Variants in PCDHA4 observed in about 807,000 individuals in gnomAD.
The protein encoded by PCDHA4 is protocadherin alpha 4, also known as protocadherin alpha-4.
In PCDHA4, 49 loss-of-function variants were observed where a neutral mutation model predicts 61.4. The observed-to-expected ratio is 0.80, with a 90% CI of 0.63 to 1.01. PCDHA4 has a LOEUF of 1.01. Among genes scored for constraint, PCDHA4 ranks in the 50% least tolerant of loss-of-function variants. The probability of loss-of-function intolerance (pLI) is 0.00; values close to 1 mark genes in which losing one functional copy is unlikely to be tolerated. For synonymous variants in PCDHA4, 590 were observed against 550.3 expected (o/e 1.07, Z -1.01); for missense variants, 1,254 against 1,235.8 (o/e 1.01, Z -0.22).
chr5:140,928,450 G>C, intron 1 of PCDHA4: 2 of 1,614,146 alleles, frequency 1.2e-6, no homozygotes, highest in Non-Finnish European at 8.5e-7. Flanking sequence ...GCAGCTCAGG[G>C]GGTTTCATTT....
intron 1 of PCDHA4, among the ~76,000 whole-genome samples, chr5:140,905,080 C>G (rs2071583789): frequency 6.6e-6 from 1 of 152,128 alleles, no homozygotes; most frequent in Non-Finnish European, 1.5e-5. Flanking sequence ...GTTGCACTTT[C>G]TTTTGGGTTC....
intron 1 of PCDHA4, among the ~76,000 whole-genome samples, chr5:140,949,473 G>A (rs2094384488): frequency 6.6e-6 from 1 of 151,492 alleles, no homozygotes; most frequent in South Asian, 2.1e-4. Flanking sequence ...CCTGTTATTA[G>A]GCACACACAT....
At chr5:140,925,923 C>CT (rs111894943) in intron 1 of PCDHA4, among the ~76,000 whole-genome samples, 7,061 of 152,174 alleles carry the variant, frequency 0.046, 290 homozygotes, top group African/African-American at 0.11. Context: ...GCAAAGCACT[C>CT]CCAAGTAGAG....
At chr5:140,860,155 ATATATATATG>A (rs1439486095) in intron 1 of PCDHA4, 1 of 149,648 alleles carries the variant, frequency 6.7e-6, no homozygotes, top group Non-Finnish European at 1.5e-5. Flanking sequence ...ATATATGTGT[ATATATATATG>A]TATATATATA....
rs139607260 is a variant in PCDHA4, at chr5:140,954,243, A to C, written c.2386-24706A>C. ...TATTGTGAATAGTGCTGCAATGAAC[A>C]TACACATGCAGGTATCTTTATAATA... On this transcript the variant is annotated intron_variant, in intron 1 of 3. Transcript: ENST00000530339. Among the ~76,000 whole-genome samples the C allele has an allele frequency of 3.2e-4, 49 of 152,350 alleles. No individual in the cohort carries two copies. In the East Asian group the frequency reaches 9.1e-3, roughly 28 times the overall value.
Position 140,809,006 on chromosome 5 carries a change from C to A in PCDHA4, c.1819C>A (p.Leu607Ile). 6.2e-7 allele frequency: 1 copy of A among 1,613,702 alleles called. No individual in the cohort carries two copies. The highest frequency in any genetic ancestry group is 1.1e-5 in the South Asian group (1 of 91,060). ...TGCTGACTCGGGCTACAACGCGTGG[C>A]TTTCGTACGAGCTGCAGCCGGGGAC... ...VDADSGYNAW[L>I]SYELQPGTGG... Residue 607 changes from leucine (L) to isoleucine (I), a missense_variant, in exon 1 of 4, where the codon CTT becomes ATT. By Grantham distance (5) the Leu-to-Ile change is conservative. Coordinates refer to ENST00000530339, the MANE Select transcript of PCDHA4 (RefSeq NM_018907.4).
At chr5:140,823,233 C>G (rs1423575450) in intron 1 of PCDHA4, 1 of 1,613,492 alleles carries the variant, frequency 6.2e-7, no homozygotes, top group Non-Finnish European at 8.5e-7. Flanking sequence ...CGCAGGAGAA[C>G]GCCCTGGTGT....
chr5:140,972,295 G>A (rs551210883), intron 1 of PCDHA4, among the ~76,000 whole-genome samples: 2 of 151,388 alleles, frequency 1.3e-5, no homozygotes, highest in South Asian at 2.1e-4. Context: ...GTGCGCCACC[G>A]TGTCTGACTA....
chr5:140,830,676 T>C (rs1348567838), intron 1 of PCDHA4: 2 of 357,974 alleles, frequency 5.6e-6, no homozygotes, highest in African/African-American at 4.3e-5. Flanking sequence ...AAATTAGAAA[T>C]CACTGTCCAC....
At chr5:140,921,744 A>T (rs1554200416) in intron 1 of PCDHA4, among the ~76,000 whole-genome samples, 1 of 152,158 alleles carries the variant, frequency 6.6e-6, no homozygotes. Context: ...TATAAGCATA[A>T]CAGGACACTT....
intron 1 of PCDHA4, chr5:140,829,054 C>G: frequency 6.2e-7 from 1 of 1,612,720 alleles, no homozygotes; most frequent in Non-Finnish European, 8.5e-7. Flanking sequence ...TCCTCATTGA[C>G]GCCACGGACA....
At chr5:140,907,938 T>C (rs2073706734) in intron 1 of PCDHA4, among the ~76,000 whole-genome samples, 1 of 152,206 alleles carries the variant, frequency 6.6e-6, no homozygotes, top group African/African-American at 2.4e-5. Flanking sequence ...TCACATACCT[T>C]TTCCCCAAAT....
Position 140,827,976 on chromosome 5 carries a change from C to T in PCDHA4, c.2385+18404C>T, listed in dbSNP as rs1769473350. The T allele has an allele frequency of 1.3e-5, 18 of 1,405,264 alleles. No individual in the cohort carries two copies. In the Middle Eastern group the frequency reaches 7.7e-4, roughly 60 times the overall value. 87.0% of individuals were successfully genotyped at this position (1,405,264 alleles called of 1,614,324 possible). On this transcript the variant is annotated intron_variant, in intron 1 of 3. Coordinates refer to ENST00000530339, the MANE Select transcript of PCDHA4 (RefSeq NM_018907.4). Reference sequence around the variant, plus strand: ...ATTTCTTCTATTACTGCATCATTCCCTGACTGTTGAATGATGGCGGACGCA... The same window carrying T: ...ATTTCTTCTATTACTGCATCATTCCTTGACTGTTGAATGATGGCGGACGCA...
chr5:140,930,012 A>G (rs1369011586), intron 1 of PCDHA4: 1 of 152,208 alleles, frequency 6.6e-6, no homozygotes, highest in Non-Finnish European at 1.5e-5. Context: ...CATAGCTGAT[A>G]GCTCCATAGC....
intron 1 of PCDHA4, among the ~76,000 whole-genome samples, chr5:140,931,879 T>A (rs1335268218): frequency 3.3e-5 from 5 of 151,966 alleles, no homozygotes; most frequent in Non-Finnish European, 7.4e-5. Flanking sequence ...TATTTATTGC[T>A]TTCATTTTAT....
At position 140,829,434 on chromosome 5, in the gene PCDHA4, T is replaced by A. The variant is rs2150167866; in HGVS notation, c.2385+19862T>A. 3 of 1,613,976 alleles carry A rather than the reference T, an allele frequency of 1.9e-6. No homozygotes were observed. In the South Asian group the frequency reaches 3.3e-5, roughly 18 times the overall value. On this transcript the variant is annotated intron_variant, in intron 1 of 3. Transcript: ENST00000530339. ...AGCTTGTCTGTGGAGGTGGCCGACA[T>A]GAATGACAATGCTCCGGCGTTCGCG...
chr5:140,822,516 T>G, intron 1 of PCDHA4: 1 of 1,613,966 alleles, frequency 6.2e-7, no homozygotes, highest in Non-Finnish European at 8.5e-7. Flanking sequence ...CCATTTATAA[T>G]GTCAGATTGT....
intron 1 of PCDHA4, chr5:140,863,724 G>C (rs1450071694): frequency 3.7e-6 from 1 of 271,826 alleles, no homozygotes; most frequent in African/African-American, 2.2e-5. Context: ...GCCGGGTGCG[G>C]TAGCTCATGC....
At chr5:140,828,658 T>C (rs2150157728) in intron 1 of PCDHA4, 11 of 1,613,998 alleles carry the variant, frequency 6.8e-6, no homozygotes, top group Non-Finnish European at 3.4e-6. Flanking sequence ...GTGATGACAA[T>C]AAACAAATTG....
Sources: allele counts gnomAD v4.1 joint callset (sites outside exome capture counted in the v4.1 genomes callset), GRCh38; gene constraint gnomAD v4.1.1; transcripts MANE v1.5; gene names NCBI Gene and HGNC (gene_info 2026-07-23, HGNC 2026-07-21).